DMXL2: variants seen among roughly 807,000 people sequenced by gnomAD.
The protein encoded by DMXL2 is dmX-like protein 2.
A neutral mutation model predicts 331.1 loss-of-function variants in DMXL2; 103 were observed. The observed-to-expected ratio is 0.31, with a 90% CI of 0.27 to 0.37. The LOEUF (loss-of-function observed/expected upper bound fraction) is 0.37. Among genes scored for constraint, DMXL2 ranks in the 10% least tolerant of loss-of-function variants. The probability of loss-of-function intolerance (pLI) is 1.00; values close to 1 mark genes in which losing one functional copy is unlikely to be tolerated. For missense variants in DMXL2, 3,171 were observed against 3,642.9 expected, an observed-to-expected ratio of 0.87 and a Z score of 3.33; for synonymous variants, 1,281 against 1,252.1, an observed-to-expected ratio of 1.02 and a Z score of -0.49.
intron 1 of DMXL2, among the ~76,000 whole-genome samples, chr15:51,615,991 T>C (rs1318261206): frequency 6.6e-6 from 1 of 152,230 alleles, no homozygotes; most frequent in African/African-American, 2.4e-5. Flanking sequence ...AAAACACTAC[T>C]GATTTAGTAC....
intron 29 of DMXL2, among the ~76,000 whole-genome samples, chr15:51,468,843 C>T (rs1019023916): frequency 2.0e-5 from 3 of 152,148 alleles, no homozygotes; most frequent in Admixed American, 1.3e-4. Flanking sequence ...TTAATTTTCA[C>T]TTGACAAGAT....
chr15:51,522,400 C>G (rs2047426795), intron 13 of DMXL2, among the ~76,000 whole-genome samples: 1 of 152,136 alleles, frequency 6.6e-6, no homozygotes, highest in African/African-American at 2.4e-5. Flanking sequence ...AATCCCAGCA[C>G]TTGGGAGGCC....
At chr15:51,517,525 AG>A (rs1426321800) in intron 13 of DMXL2, among the ~76,000 whole-genome samples, 1 of 152,238 alleles carries the variant, frequency 6.6e-6, no homozygotes, top group Non-Finnish European at 1.5e-5. Flanking sequence ...ACCGAAGGTA[AG>A]GGCAAGGGTT....
At chr15:51,588,812 T>G (rs1185777384) in intron 1 of DMXL2, among the ~76,000 whole-genome samples, 1 of 152,276 alleles carries the variant, frequency 6.6e-6, no homozygotes, top group Non-Finnish European at 1.5e-5. Flanking sequence ...ACTGTAACAA[T>G]GGGTATATCA....
intron 6 of DMXL2, among the ~76,000 whole-genome samples, chr15:51,552,807 A>G (rs1204331690): frequency 2.0e-5 from 3 of 152,192 alleles, no homozygotes; most frequent in African/African-American, 7.2e-5. Context: ...GCCTTTGGCT[A>G]AAGAATTCAA....
intron 1 of DMXL2, among the ~76,000 whole-genome samples, chr15:51,609,930 T>TAAAA (rs35412082): frequency 1.0e-5 from 1 of 100,092 alleles, no homozygotes; most frequent in African/African-American, 3.4e-5. Flanking sequence ...AAGTCAGTCT[T>TAAAA]AAAAAAAAAA....
chr15:51,494,972 G>T, intron 19 of DMXL2, 52 bp downstream of exon 19: 1 of 1,299,326 alleles, frequency 7.7e-7, no homozygotes, highest in Non-Finnish European at 1.1e-6. Flanking sequence ...ACACCCCATC[G>T]CTCCAATATT....
At chr15:51,558,927 A>G (rs1424432729) in intron 6 of DMXL2, among the ~76,000 whole-genome samples, 2 of 152,220 alleles carry the variant, frequency 1.3e-5, no homozygotes, top group Admixed American at 6.5e-5. Flanking sequence ...CTGTATTTCA[A>G]TAATTTCTTT....
chr15:51,485,163 GA>G (rs1042969033), intron 23 of DMXL2, among the ~76,000 whole-genome samples: 3 of 151,920 alleles, frequency 2.0e-5, no homozygotes, highest in Admixed American at 2.0e-4. Context: ...GAAGAAAAGG[GA>G]AAAGGTGAGG....
rs759999608 is a variant in DMXL2 at position 51,481,321 on chromosome 15, G to A, written c.5785C>T (p.His1929Tyr). The change falls in exon 24 of 44, where the codon CAC becomes TAC. Residue 1929 changes from histidine to tyrosine, a missense_variant. His to Tyr is a moderately conservative substitution (Grantham distance 83). Transcript: ENST00000560891. ...AKKDQPDFISHRMDDVPSHSK... is the reference protein window; with the variant it reads ...AKKDQPDFISYRMDDVPSHSK... ...TGTGAAGGTACATCATCCATCCTGTGAGAAATGAAGTCAGGCTGATCTTTT... is the reference window on the plus strand; with the variant it reads ...TGTGAAGGTACATCATCCATCCTGTAAGAAATGAAGTCAGGCTGATCTTTT... 2 of 1,614,112 alleles carry A rather than the reference G, an allele frequency of 1.2e-6. No individual in the cohort carries two copies. Among genetic ancestry groups the A allele is most frequent in the African/African-American group, 1.3e-5 (1 of 75,056 alleles).
At position 51,500,102 on chromosome 15, in the gene DMXL2, T is replaced by C. The variant is rs769489387; in HGVS notation, c.3122A>G (p.Asp1041Gly). ...CTTCCAATGATAAATTTCTTTCTCATCACTTTTATTACACTCTGGGTTGGC... is the reference window on the plus strand; with the variant it reads ...CTTCCAATGATAAATTTCTTTCTCACCACTTTTATTACACTCTGGGTTGGC... Reference protein sequence around the residue: ...MEANPECNKSDEKEIYHWKRW... With the variant: ...MEANPECNKSGEKEIYHWKRW... The change falls in exon 18 of 44, where the codon GAT (aspartate) becomes GGT (glycine). Residue 1041 changes from aspartate (D) to glycine (G), a missense_variant. Coordinates refer to ENST00000560891, the MANE Select transcript of DMXL2 (RefSeq NM_001378457.1). 2 of 1,614,206 alleles carry C rather than the reference T, an allele frequency of 1.2e-6. No homozygotes were observed. The highest frequency in any genetic ancestry group is 1.7e-5 in the Admixed American group (1 of 60,028).
Position 51,481,012 on chromosome 15 carries a change from C to G in DMXL2, c.6094G>C (p.Asp2032His), listed in dbSNP as rs779531841. ...TPQEEDDPEGDTEVDVIAEQL... is the reference protein window; with the variant it reads ...TPQEEDDPEGHTEVDVIAEQL... ...TCAGCAATCACATCAACTTCAGTATCACCTTCAGGATCATCCTCTTCCTGA... is the reference window on the plus strand; with the variant it reads ...TCAGCAATCACATCAACTTCAGTATGACCTTCAGGATCATCCTCTTCCTGA... The change falls in exon 24 of 44, where the codon GAT becomes CAT. Residue 2032 changes from aspartate (D) to histidine (H), a missense_variant. Asp to His is a moderately conservative substitution (Grantham distance 81, BLOSUM62 -1). This residue lies in a region of DMXL2 where 244 missense variants were observed against 251.4 expected (regional missense o/e 0.97). Transcript: ENST00000560891. The G allele has an allele frequency of 5.0e-6, 8 of 1,614,152 alleles. No individual in the cohort carries two copies. In the East Asian group the frequency reaches 1.6e-4, roughly 31 times the overall value.
Position 51,456,101 on chromosome 15 carries a change from C to G in DMXL2, c.8491G>C (p.Val2831Leu). 1.2e-6 allele frequency: 2 copies of G among 1,614,164 alleles called. No individual in the cohort carries two copies. Among genetic ancestry groups the G allele is most frequent in the Admixed American group, 1.7e-5 (1 of 60,022 alleles). ...VCFRQAGNAR[V>L]TRLYFNSQGN... ...TGTGAATTAAAATATAATCTAGTAACTCTTGCATTGCCAGCTTGACGAAAG... is the reference window on the plus strand; with the variant it reads ...TGTGAATTAAAATATAATCTAGTAAGTCTTGCATTGCCAGCTTGACGAAAG... The change falls in exon 39 of 44, where the codon GTT becomes CTT. Residue 2831 changes from valine to leucine, a missense_variant. Around this residue, in one of 7 missense-constraint regions of DMXL2, gnomAD observed 766 missense variants for 940.5 expected, o/e 0.81. Transcript: ENST00000560891.
chr15:51,464,746 G>C lies in DMXL2; in HGVS notation c.7737C>G (p.Asp2579Glu). The C allele has an allele frequency of 6.2e-7, 1 of 1,613,998 alleles. No individual in the cohort carries two copies. Among genetic ancestry groups the C allele is most frequent in the South Asian group, 1.1e-5 (1 of 91,082 alleles). ...TAGCTGGTCCAGCTCCCACTGAAAGGTCAGTTGGATATGTGTTGATATAGT... is the reference window on the plus strand; with the variant it reads ...TAGCTGGTCCAGCTCCCACTGAAAGCTCAGTTGGATATGTGTTGATATAGT... ...PPNYINTYPT[D>E]LSVGAGPAIL... The change falls in exon 32 of 44, where the codon GAC becomes GAG. Residue 2579 changes from aspartate (D) to glutamate (E), a missense_variant. Around this residue, in one of 7 missense-constraint regions of DMXL2, gnomAD observed 766 missense variants for 940.5 expected, o/e 0.81. Transcript: ENST00000560891.
At chr15:51,618,716 T>C (rs1203204908) in intron 1 of DMXL2, among the ~76,000 whole-genome samples, 1 of 152,194 alleles carries the variant, frequency 6.6e-6, no homozygotes, top group Non-Finnish European at 1.5e-5. Context: ...AGTCACTCAA[T>C]AATTTATCCT....
Position 51,589,147 on chromosome 15 carries a change from C to T in DMXL2, c.88-12966G>A, listed in dbSNP as rs144480457. On this transcript the variant is annotated intron_variant, in intron 1 of 43. Transcript: ENST00000560891. ...GAGCTAAGCCAATCAAAGTCTACTC[C>T]GGGAAATTTAAACCAAAAGACCCAG... is the stretch of plus-strand genomic sequence containing the variant. Among the ~76,000 whole-genome samples, 130 of 152,194 alleles carry T rather than the reference C, an allele frequency of 8.5e-4. No individual in the cohort carries two copies. In the East Asian group the frequency reaches 0.015, roughly 18 times the overall value.
intron 25 of DMXL2, 100 bp from the exon 26 acceptor site, chr15:51,478,447 T>A: frequency 1.0e-6 from 1 of 969,864 alleles, no homozygotes. Flanking sequence ...AGCAACATCA[T>A]AAATAAGACT....
At position 51,451,671 on chromosome 15, in the gene DMXL2, A is replaced by G; in HGVS notation, c.8723T>C (p.Ile2908Thr). ...NRNVCLWDTL[I>T]SPGNSLIHGF... ...ATGAATGAGGCTGTTTCCGGGTGAT[A>G]TTAATGTGTCCCAGAGGCAAACATT... Residue 2908 changes from isoleucine (I) to threonine (T), a missense_variant, in exon 42 of 44, where the codon ATA becomes ACA. Coordinates refer to ENST00000560891, the MANE Select transcript of DMXL2 (RefSeq NM_001378457.1). The G allele has an allele frequency of 6.2e-7, 1 of 1,613,060 alleles. No individual in the cohort carries two copies. The highest frequency in any genetic ancestry group is 8.5e-7 in the Non-Finnish European group (1 of 1,179,396).
At chr15:51,575,291 A>T (rs2050947923) in intron 2 of DMXL2, among the ~76,000 whole-genome samples, 1 of 152,162 alleles carries the variant, frequency 6.6e-6, no homozygotes, top group Non-Finnish European at 1.5e-5. Context: ...CATACTCTTG[A>T]TCAAATTTGT....
Sources: gnomAD v4.1 joint callset for allele counts (sites outside exome capture counted in the v4.1 genomes callset) on GRCh38, gnomAD v4.1.1 for gene constraint, gnomAD v4.1.1 regional missense constraint, MANE v1.5 for transcripts, NCBI Gene and HGNC (gene_info 2026-07-23, HGNC 2026-07-21) for gene names.